AGA: variants seen among roughly 807,000 people sequenced by gnomAD.
The protein encoded by AGA is aspartylglucosaminidase, also known as N(4)-(beta-N-acetylglucosaminyl)-L-asparaginase.
A neutral mutation model predicts 40.1 loss-of-function variants in AGA; 31 were observed. That is an observed-to-expected ratio of 0.77 (90% CI 0.58 to 1.04). The LOEUF is 1.04. AGA is among the 50% of genes least tolerant of loss of function. AGA has a pLI of 0.00. For missense variants in AGA, 445 were observed against 435.4 expected (o/e 1.02, Z -0.20); for synonymous variants, 148 against 144.0 (o/e 1.03, Z -0.20).
intron 6 of AGA, among the ~76,000 whole-genome samples, chr4:177,435,757 A>C (rs1234047703): frequency 2.0e-5 from 3 of 151,718 alleles, no homozygotes; most frequent in South Asian, 4.2e-4. Context: ...ATACACACAC[A>C]CACACCCACA....
intron 8 of AGA, among the ~76,000 whole-genome samples, chr4:177,432,147 C>T (rs1215271634): frequency 6.6e-6 from 1 of 152,164 alleles, no homozygotes; most frequent in East Asian, 1.9e-4. Context: ...CATTTTATTT[C>T]TCTAGCCACT....
Position 177,434,502 on chromosome 4 carries a change from A to T in AGA, c.699-13T>A. 6.2e-7 allele frequency: 1 copy of T among 1,610,160 alleles called. No individual in the cohort carries two copies. Among genetic ancestry groups the T allele is most frequent in the Non-Finnish European group, 8.5e-7 (1 of 1,176,380 alleles). Reference sequence around the variant, plus strand: ...GTCTCCTACACGGCTTTGAGAGGGTATTAACAATTTACGGCAGGAAATCGA... The same window carrying T: ...GTCTCCTACACGGCTTTGAGAGGGTTTTAACAATTTACGGCAGGAAATCGA... On this transcript the variant is annotated splice_polypyrimidine_tract_variant and intron_variant, in intron 6 of 8. Transcript: ENST00000264595.
In AGA at chr4:177,438,961, T is replaced by C. The variant is rs1436479772; in HGVS notation, c.395-104A>G. On this transcript the variant is annotated intron_variant, in intron 3 of 8. Transcript: ENST00000264595. ...TGGGTCAGCAGCATCTTAAGTGAGC[T>C]ACACAAAGACTTTCAAAGGAATATT... The C allele has an allele frequency of 2.5e-5, 19 of 751,124 alleles. No homozygotes were observed. In the East Asian group the frequency reaches 4.8e-4, roughly 19 times the overall value. 46.5% of individuals were successfully genotyped at this position (751,124 alleles called of 1,614,324 possible). A position where few individuals can be genotyped will look rare whatever the true frequency, so the allele number is the denominator to read the frequency against.
At position 177,430,857 on chromosome 4, in the gene AGA, C is replaced by T. The variant is rs186184411; in HGVS notation, c.*851G>A. 2.1e-4 allele frequency: 94 copies of T among 454,010 alleles called. No homozygotes were observed. Among genetic ancestry groups the T allele is most frequent in the African/African-American group, 1.5e-3 (77 of 50,108 alleles). 28.1% of individuals were successfully genotyped at this position (454,010 alleles called of 1,614,324 possible). ...GGAAAAATGCTGCTGAGAAAGCACG[C>T]GCACAACTTCTGTAGAGTTGTCATA... On this transcript the variant is annotated 3_prime_UTR_variant, in exon 9 of 9. Transcript: ENST00000264595.
chr4:177,442,413 G>A lies in AGA; in HGVS notation c.-38C>T, dbSNP rs780525567. 1.9e-6 allele frequency: 3 copies of A among 1,613,014 alleles called. No homozygotes were observed. The highest frequency in any genetic ancestry group is 2.5e-6 in the Non-Finnish European group (3 of 1,179,642). On this transcript the variant is annotated 5_prime_UTR_variant, in exon 1 of 9. Transcript: ENST00000264595. The stretch of plus-strand genomic sequence containing the variant: ...AAGAGACCAGCGCGAGAAAAGTCCC[G>A]GCAGCCAGCGATCGCCGAACAATTA...
chr4:177,431,245 C>A lies in AGA; in HGVS notation c.*463G>T, dbSNP rs945973957. The A allele has an allele frequency of 2.3e-6, 1 of 440,738 alleles. No individual in the cohort carries two copies. The highest frequency in any genetic ancestry group is 4.5e-6 in the Non-Finnish European group (1 of 222,858). 27.3% of individuals were successfully genotyped at this position (440,738 alleles called of 1,614,324 possible). Reference sequence around the variant, plus strand: ...GGGAATATTAAGTAAAACCAATAATCAGTGCTAAGACATGCATCACTGTGA... The same window carrying A: ...GGGAATATTAAGTAAAACCAATAATAAGTGCTAAGACATGCATCACTGTGA... On this transcript the variant is annotated 3_prime_UTR_variant, in exon 9 of 9. Coordinates refer to ENST00000264595, the MANE Select transcript of AGA (RefSeq NM_000027.4).
Position 177,438,781 on chromosome 4 carries a change from A to G in AGA, c.471T>C (p.Asp157=), listed in dbSNP as rs1239818824. The G allele has an allele frequency of 6.2e-7, 1 of 1,610,414 alleles. No homozygotes were observed. The highest frequency in any genetic ancestry group is 8.5e-7 in the Non-Finnish European group (1 of 1,176,548). The change falls in exon 4 of 9, where the codon GAT becomes GAC. Residue 157 remains aspartate (D), a synonymous_variant. Coordinates refer to ENST00000264595, the MANE Select transcript of AGA (RefSeq NM_000027.4). ...TTGGCTGGCAATTCCGAGCAAGCCA[A>G]TCTGAATGAAGAGCTTGAGAAGCAG... ...STTASQALHS[D]WLARNCQPNY...
intron 1 of AGA, among the ~76,000 whole-genome samples, chr4:177,440,915 T>C (rs1366872383): frequency 1.3e-5 from 2 of 152,330 alleles, no homozygotes; most frequent in East Asian, 3.9e-4. Flanking sequence ...GGACTTCATA[T>C]GGATTAGTTC....
chr4:177,436,385 T>C, intron 5 of AGA, 34 bp from the exon 6 acceptor site: 1 of 1,556,898 alleles, frequency 6.4e-7, no homozygotes, highest in Admixed American at 1.7e-5. Context: ...ACTGTAGGTG[T>C]ATAAAGTTTA....
chr4:177,439,358 G>A (rs1212868343), intron 3 of AGA, among the ~76,000 whole-genome samples: 1 of 152,196 alleles, frequency 6.6e-6, no homozygotes, highest in East Asian at 1.9e-4. Flanking sequence ...TCCAGCCTGG[G>A]TGACAAGAGC....
chr4:177,435,939 C>A (rs1736801784), intron 6 of AGA, among the ~76,000 whole-genome samples: 2 of 152,012 alleles, frequency 1.3e-5, no homozygotes, highest in African/African-American at 2.4e-5. Flanking sequence ...CAGTGGGAGC[C>A]CTGAACACAC....
intron 1 of AGA, 41 bp downstream of exon 1, chr4:177,442,208 C>G (rs1737051302): frequency 6.2e-7 from 1 of 1,610,382 alleles, no homozygotes; most frequent in African/African-American, 1.3e-5. Flanking sequence ...CACCCGCAAG[C>G]TCTCGCGGCG....
At chr4:177,433,452 T>C (rs952964272) in intron 7 of AGA, 105 bp from the exon 8 acceptor site, 39 of 1,290,772 alleles carry the variant, frequency 3.0e-5, no homozygotes, top group Admixed American at 1.2e-4. Context: ...CCACATGTGA[T>C]AGAATACACA....
chr4:177,434,202 C>T (rs916838110), intron 7 of AGA, among the ~76,000 whole-genome samples, 180 bp downstream of exon 7: 1 of 151,966 alleles, frequency 6.6e-6, no homozygotes, highest in Admixed American at 6.6e-5. Flanking sequence ...AGTTCGAGAC[C>T]ATGTTGGCCA....
In AGA at chr4:177,441,053, A is replaced by T. The variant is rs115322612; in HGVS notation, c.128-627T>A. ...CACACAGCTGGTAAGTAGCAGAGCC[A>T]GGATCCCATACATTTGGGGGTGTGG... On this transcript the variant is annotated intron_variant, in intron 1 of 8. Coordinates refer to ENST00000264595, the MANE Select transcript of AGA (RefSeq NM_000027.4). 1.6e-3 allele frequency among the ~76,000 whole-genome samples: 241 copies of T among 152,294 alleles called. 1 individual carries two copies. Among genetic ancestry groups the T allele is most frequent in the African/African-American group, 5.4e-3 (224 of 41,574 alleles).
At chr4:177,432,188 A>G (rs1736655721) in intron 8 of AGA, among the ~76,000 whole-genome samples, 1 of 152,106 alleles carries the variant, frequency 6.6e-6, no homozygotes. Flanking sequence ...TCATAACCCC[A>G]TACCCCACCA....
In AGA at chr4:177,440,248, A is replaced by C. The variant is rs1736951822; in HGVS notation, c.281+25T>G. The stretch of plus-strand genomic sequence containing the variant: ...ACTCTAAATGTAACTCAACATAATA[A>C]ATAGGACCTGAACGGTGTTCTTACC... On this transcript the variant is annotated intron_variant, in intron 2 of 8. Transcript: ENST00000264595. 5 of 1,613,534 alleles carry C rather than the reference A, an allele frequency of 3.1e-6. No homozygotes were observed. The African/African-American group carries it at 6.7e-5, about 22-fold the overall frequency.
rs762450535 is a variant in AGA at position 177,437,537 on chromosome 4, G to C, written c.508-18C>G. On this transcript the variant is annotated intron_variant, in intron 4 of 8. Coordinates refer to ENST00000264595, the MANE Select transcript of AGA (RefSeq NM_000027.4). The stretch of plus-strand genomic sequence containing the variant: ...ATAACATTCTGTAAACAAGATTTAA[G>C]TTTTATTTCTTACAAAGGGTATTTT... The C allele has an allele frequency of 1.3e-6, 2 of 1,550,764 alleles. No individual in the cohort carries two copies. The highest frequency in any genetic ancestry group is 1.7e-5 in the Admixed American group (1 of 59,828).
chr4:177,431,376 C>T lies in AGA; in HGVS notation c.*332G>A. On this transcript the variant is annotated 3_prime_UTR_variant, in exon 9 of 9. Coordinates refer to ENST00000264595, the MANE Select transcript of AGA (RefSeq NM_000027.4). ...TTTTAAGCATCCAAATATGATGATT[C>T]CTTTTGGGTTTAATATATCACTGTG... 1 of 438,512 alleles carries T rather than the reference C, an allele frequency of 2.3e-6. No homozygotes were observed. Among genetic ancestry groups the T allele is most frequent in the South Asian group, 1.7e-5 (1 of 57,966 alleles). The allele number at this position is 438,512 out of a possible 1,614,324, so 27.2% of individuals were successfully genotyped here.
Sources: allele counts gnomAD v4.1 joint callset (sites outside exome capture counted in the v4.1 genomes callset), GRCh38; gene constraint gnomAD v4.1.1; transcripts MANE v1.5; gene names NCBI Gene and HGNC (gene_info 2026-07-23, HGNC 2026-07-21).